The following DLGAP1 variants were observed in gnomAD, a reference collection of about 807,000 sequenced individuals.
The protein encoded by DLGAP1 is disks large-associated protein 1.
In DLGAP1, 11 loss-of-function variants were observed where a neutral mutation model predicts 90.8. That is an observed-to-expected ratio of 0.12 (90% CI 0.08 to 0.20). DLGAP1 has a LOEUF of 0.20. Ranked by LOEUF, DLGAP1 falls within the 10% of genes least tolerant of loss-of-function variation. The pLI, the probability that DLGAP1 is intolerant of heterozygous loss-of-function variation, is 1.00. For missense variants in DLGAP1, 1,050 were observed against 1,333.8 expected, an observed-to-expected ratio of 0.79 and a Z score of 3.31; for synonymous variants, 558 against 540.7, an observed-to-expected ratio of 1.03 and a Z score of -0.44.
At chr18:4,054,453 C>G (rs1317206958) in intron 2 of DLGAP1, among the ~76,000 whole-genome samples, 1 of 152,172 alleles carries the variant, frequency 6.6e-6, no homozygotes, top group Non-Finnish European at 1.5e-5. Flanking sequence ...CATTTAATAG[C>G]TCCATATAAA....
chr18:3,659,252 A>G (rs1233482037), intron 7 of DLGAP1, among the ~76,000 whole-genome samples: 3 of 152,172 alleles, frequency 2.0e-5, no homozygotes, highest in African/African-American at 4.8e-5. Context: ...AAAATTTTGA[A>G]TATTTAAGAA....
intron 4 of DLGAP1, among the ~76,000 whole-genome samples, chr18:3,822,819 G>T (rs1016634171): frequency 2.6e-5 from 4 of 152,128 alleles, no homozygotes; most frequent in Non-Finnish European, 5.9e-5. Flanking sequence ...ACTAACTGTG[G>T]ATAAGACACT....
At chr18:3,812,783 T>C (rs1468984724) in intron 5 of DLGAP1, among the ~76,000 whole-genome samples, 1 of 152,200 alleles carries the variant, frequency 6.6e-6, no homozygotes, top group Admixed American at 6.5e-5. Flanking sequence ...CATCGCACAA[T>C]AGTCAGCTGT....
At chr18:4,240,702 T>C (rs539185673) in intron 1 of DLGAP1, among the ~76,000 whole-genome samples, 247 of 152,344 alleles carry the variant, frequency 1.6e-3, no homozygotes, top group African/African-American at 5.5e-3. Context: ...TTATGATCCA[T>C]AGAAATAATT....
At chr18:4,308,600 G>T (rs565381524) in intron 1 of DLGAP1, among the ~76,000 whole-genome samples, 1 of 152,204 alleles carries the variant, frequency 6.6e-6, no homozygotes, top group African/African-American at 2.4e-5. Context: ...CTTTCCATCA[G>T]ATTAACAATA....
chr18:3,549,532 C>T (rs138269892), intron 9 of DLGAP1, among the ~76,000 whole-genome samples: 2,373 of 152,222 alleles, frequency 0.016, 68 homozygotes, highest in African/African-American at 0.055. Context: ...AGGGTTTCAG[C>T]GTGTTGGTCA....
intron 5 of DLGAP1, among the ~76,000 whole-genome samples, chr18:3,780,167 G>GTAA (rs1376150033): frequency 6.6e-6 from 1 of 152,158 alleles, no homozygotes; most frequent in Non-Finnish European, 1.5e-5. Context: ...TATGGAAAAT[G>GTAA]TAATAACTGG....
At chr18:3,587,986 C>G (rs2055994150) in intron 7 of DLGAP1, among the ~76,000 whole-genome samples, 1 of 152,142 alleles carries the variant, frequency 6.6e-6, no homozygotes, top group Non-Finnish European at 1.5e-5. Flanking sequence ...TTTCCTTTGC[C>G]CTGATAAGTT....
intron 7 of DLGAP1, among the ~76,000 whole-genome samples, chr18:3,665,681 G>A (rs1378924320): frequency 6.6e-6 from 1 of 152,194 alleles, no homozygotes; most frequent in Admixed American, 6.5e-5. Context: ...AGGGAGAAAA[G>A]AGGATTTCCA....
At chr18:3,694,947 T>G (rs80115125) in intron 7 of DLGAP1, among the ~76,000 whole-genome samples, 439 of 141,156 alleles carry the variant, frequency 3.1e-3, no homozygotes, top group African/African-American at 0.011. Flanking sequence ...TTGTTTTTTT[T>G]TTTTTTTTTT....
intron 3 of DLGAP1, chr18:3,977,885 C>A: frequency 2.7e-6 from 1 of 376,224 alleles, no homozygotes. Flanking sequence ...CTGATGTCAT[C>A]ATATCTGGCA....
intron 1 of DLGAP1, among the ~76,000 whole-genome samples, chr18:4,276,569 G>A (rs987060104): frequency 6.6e-6 from 1 of 151,626 alleles, no homozygotes; most frequent in Non-Finnish European, 1.5e-5. Context: ...CCAGGAGGTA[G>A]AAGTTGCAGT....
chr18:4,373,975 A>T (rs1428824112), intron 1 of DLGAP1, among the ~76,000 whole-genome samples: 1 of 152,204 alleles, frequency 6.6e-6, no homozygotes, highest in Non-Finnish European at 1.5e-5. Context: ...ACCTGAAAGC[A>T]TTTAACAATA....
intron 3 of DLGAP1, among the ~76,000 whole-genome samples, chr18:3,881,641 C>A (rs1413932411): frequency 6.6e-6 from 1 of 152,200 alleles, no homozygotes; most frequent in African/African-American, 2.4e-5. Flanking sequence ...GAGCCGGGCG[C>A]GGTGGCTCAC....
chr18:4,250,450 A>C (rs536581865), intron 1 of DLGAP1, among the ~76,000 whole-genome samples: 1 of 152,350 alleles, frequency 6.6e-6, no homozygotes, highest in African/African-American at 2.4e-5. Flanking sequence ...CCTGATGCCA[A>C]CAATTTTGAA....
chr18:3,582,213 G>A lies in DLGAP1; in HGVS notation c.1627C>T (p.Pro543Ser). 1 of 1,614,112 alleles carries A rather than the reference G, an allele frequency of 6.2e-7. No individual in the cohort carries two copies. The highest frequency in any genetic ancestry group is 8.5e-7 in the Non-Finnish European group (1 of 1,180,020). ...SCITTYKKTPPPVPPRTTTKP... is the reference protein window; with the variant it reads ...SCITTYKKTPSPVPPRTTTKP... ...GTGGTAGTTCTGGGTGGGACTGGAG[G>A]TGGTGTCTTCTTATATGTTGTAATG... is the stretch of plus-strand genomic sequence containing the variant. Residue 543 changes from proline to serine, a missense_variant, in exon 8 of 13, where the codon CCT becomes TCT. Physicochemically the swap from Pro to Ser is moderately conservative, Grantham distance 74 (BLOSUM62 -1). Transcript: ENST00000315677.
At chr18:4,387,025 A>G (rs538375547) in intron 1 of DLGAP1, among the ~76,000 whole-genome samples, 2 of 152,290 alleles carry the variant, frequency 1.3e-5, no homozygotes, top group South Asian at 4.1e-4. Flanking sequence ...ATGAAACAAG[A>G]TTTAAGTTAG....
intron 3 of DLGAP1, among the ~76,000 whole-genome samples, chr18:3,975,227 T>C (rs1020928517): frequency 3.3e-5 from 5 of 152,072 alleles, no homozygotes; most frequent in Admixed American, 3.3e-4. Flanking sequence ...TAAATACATA[T>C]GCAAAACAAA....
intron 4 of DLGAP1, among the ~76,000 whole-genome samples, chr18:3,841,002 C>T (rs2059560221): frequency 6.6e-6 from 1 of 152,206 alleles, no homozygotes; most frequent in South Asian, 2.1e-4. Flanking sequence ...CCAGAAACTG[C>T]ACATGTCTCT....
Sources: allele counts gnomAD v4.1 joint callset (sites outside exome capture counted in the v4.1 genomes callset), GRCh38; gene constraint gnomAD v4.1.1; transcripts MANE v1.5; gene names NCBI Gene and HGNC (gene_info 2026-07-23, HGNC 2026-07-21).